NRXN3: variants seen among roughly 807,000 people sequenced by gnomAD.
NRXN3 encodes the protein neurexin 3.
In NRXN3, 32 loss-of-function variants were observed where a neutral mutation model predicts 137.6. The ratio of observed to expected loss-of-function variants is 0.23; its 90% CI spans 0.18 to 0.31. The LOEUF (loss-of-function observed/expected upper bound fraction) is 0.31, where lower values mean the gene tolerates loss of function less well. Among genes scored for constraint, NRXN3 ranks in the 10% least tolerant of loss-of-function variants. NRXN3 has a pLI of 1.00. For missense variants in NRXN3, 1,574 were observed against 2,062.5 expected, an observed-to-expected ratio of 0.76 and a Z score of 4.59; for synonymous variants, 798 against 784.5, an observed-to-expected ratio of 1.02 and a Z score of -0.29.
At chr14:79,255,941 A>ATTTT (rs1471583252) in intron 15 of NRXN3, among the ~76,000 whole-genome samples, 1 of 152,202 alleles carries the variant, frequency 6.6e-6, no homozygotes, top group Non-Finnish European at 1.5e-5. Context: ...GAAATTTGCC[A>ATTTT]TGGGAGGCTG....
chr14:79,026,950 T>TTATATATATATATA (rs764640398), intron 15 of NRXN3, among the ~76,000 whole-genome samples: 2 of 135,136 alleles, frequency 1.5e-5, no homozygotes, highest in African/African-American at 6.1e-5. Context: ...TATTATAATT[T>TTATATATATATATA]TATATATATA....
intron 15 of NRXN3, among the ~76,000 whole-genome samples, chr14:79,457,152 A>G (rs2153597874): frequency 6.6e-6 from 1 of 152,310 alleles, no homozygotes; most frequent in Middle Eastern, 3.4e-3. Context: ...TTTTACGGAC[A>G]TGACAATTTC....
At chr14:79,090,651 C>A (rs2048987090) in intron 15 of NRXN3, among the ~76,000 whole-genome samples, 1 of 152,084 alleles carries the variant, frequency 6.6e-6, no homozygotes. Flanking sequence ...TATTCAAAAT[C>A]TTCATTCCCA....
At chr14:78,477,614 A>G (rs2192415) in intron 4 of NRXN3, among the ~76,000 whole-genome samples, 151,651 of 152,308 alleles carry the variant, frequency 1, 75,501 homozygotes, top group Middle Eastern at 1. Context: ...GCCTTGAATA[A>G]CTTTAAAATG....
At chr14:78,495,616 G>C (rs1299608638) in intron 4 of NRXN3, among the ~76,000 whole-genome samples, 1 of 152,134 alleles carries the variant, frequency 6.6e-6, no homozygotes, top group Non-Finnish European at 1.5e-5. Flanking sequence ...AAGGTGGGGG[G>C]TGAATAATTG....
chr14:78,173,473 C>T (rs891281419), intron 1 of NRXN3, among the ~76,000 whole-genome samples: 5 of 143,472 alleles, frequency 3.5e-5, no homozygotes. Flanking sequence ...GTGGAGCGGT[C>T]GGGTTGGCGT....
chr14:79,533,887 G>A (rs544308949), intron 16 of NRXN3, among the ~76,000 whole-genome samples: 12 of 152,234 alleles, frequency 7.9e-5, no homozygotes, highest in African/African-American at 1.9e-4. Flanking sequence ...AAGTAAAAAC[G>A]CTCAGCTTAC....
chr14:79,228,606 T>A (rs1168075229), intron 15 of NRXN3, among the ~76,000 whole-genome samples: 1 of 152,226 alleles, frequency 6.6e-6, no homozygotes, highest in East Asian at 1.9e-4. Flanking sequence ...ACATCCAACA[T>A]GTTTTGAGTT....
chr14:79,019,801 A>G (rs975832928), intron 15 of NRXN3, among the ~76,000 whole-genome samples: 1 of 152,122 alleles, frequency 6.6e-6, no homozygotes, highest in African/African-American at 2.4e-5. Flanking sequence ...GACCAATGAC[A>G]GTGGATTGGT....
intron 4 of NRXN3, among the ~76,000 whole-genome samples, chr14:78,345,447 A>G (rs769098866): frequency 5.3e-5 from 8 of 152,200 alleles, no homozygotes; most frequent in Non-Finnish European, 7.3e-5. Context: ...TACACTTTGC[A>G]CTTGCTAAGA....
chr14:79,017,550 T>C (rs1206192870), intron 15 of NRXN3, among the ~76,000 whole-genome samples: 1 of 152,050 alleles, frequency 6.6e-6, no homozygotes, highest in Admixed American at 6.6e-5. Flanking sequence ...GGAAAGTCAC[T>C]CTAGACAAGA....
At chr14:79,112,088 A>G (rs4609770) in intron 15 of NRXN3, among the ~76,000 whole-genome samples, 6,565 of 152,308 alleles carry the variant, frequency 0.043, 521 homozygotes, top group African/African-American at 0.15. Context: ...ATGGTATTCT[A>G]TCATTTTATT....
chr14:78,863,306 C>A (rs752028066), intron 10 of NRXN3, among the ~76,000 whole-genome samples: 4 of 152,126 alleles, frequency 2.6e-5, no homozygotes, highest in Non-Finnish European at 4.4e-5. Flanking sequence ...TAGGAGCCTA[C>A]GTTTAGAGGT....
At chr14:79,519,053 G>C (rs944238829) in intron 16 of NRXN3, among the ~76,000 whole-genome samples, 1 of 151,986 alleles carries the variant, frequency 6.6e-6, no homozygotes, top group African/African-American at 2.4e-5. Flanking sequence ...TCTGGGCCTC[G>C]TGCTTTCTTT....
At chr14:78,742,763 G>T (rs1182051284) in intron 8 of NRXN3, among the ~76,000 whole-genome samples, 2 of 152,126 alleles carry the variant, frequency 1.3e-5, no homozygotes, top group Non-Finnish European at 2.9e-5. Context: ...ATGAAAGTTT[G>T]TATGTAAATA....
chr14:78,957,385 C>T (rs375517248), intron 11 of NRXN3, 24 bp downstream of exon 11: 30 of 1,590,150 alleles, frequency 1.9e-5, no homozygotes, highest in African/African-American at 5.2e-5. Flanking sequence ...TGGTGAAATT[C>T]GTCTGTCTTT....
intron 4 of NRXN3, among the ~76,000 whole-genome samples, chr14:78,482,343 ACTT>A (rs1307394375): frequency 6.6e-6 from 1 of 152,144 alleles, no homozygotes; most frequent in Admixed American, 6.6e-5. Flanking sequence ...GATTCTTGCT[ACTT>A]CTTGGCTCTC....
At chr14:78,459,956 A>G (rs557570713) in intron 4 of NRXN3, among the ~76,000 whole-genome samples, 3 of 152,230 alleles carry the variant, frequency 2.0e-5, no homozygotes, top group Admixed American at 1.3e-4. Flanking sequence ...AGTTACAAGT[A>G]GTAGGTTGCC....
intron 19 of NRXN3, among the ~76,000 whole-genome samples, chr14:79,792,423 G>A (rs186267635): frequency 2.1e-4 from 32 of 152,210 alleles, no homozygotes; most frequent in African/African-American, 7.0e-4. Flanking sequence ...CTAAAAGTTT[G>A]TCATTAAAGC....
Sources: gnomAD v4.1 joint callset for allele counts (sites outside exome capture counted in the v4.1 genomes callset) on GRCh38, gnomAD v4.1.1 for gene constraint, MANE v1.5 for transcripts, NCBI Gene and HGNC (gene_info 2026-07-23, HGNC 2026-07-21) for gene names.